Variants in GPR39 observed in about 807,000 individuals in gnomAD.
GPR39 encodes the protein G protein-coupled receptor 39.
Under a neutral mutation model 18.4 loss-of-function variants are expected in GPR39, and 23 were observed. That is an observed-to-expected ratio of 1.25 (90% CI 0.90 to 1.77). The LOEUF is 1.77. GPR39 is among the 40% of genes most tolerant of loss of function. The pLI, the probability that GPR39 is intolerant of heterozygous loss-of-function variation, is 0.00. For synonymous variants in GPR39, 280 were observed against 257.9 expected (o/e 1.09, Z -0.82); for missense variants, 647 against 602.4 (o/e 1.07, Z -0.78).
intron 1 of GPR39, among the ~76,000 whole-genome samples, chr2:132,574,863 A>G (rs1680503058): frequency 6.6e-6 from 1 of 152,226 alleles, no homozygotes; most frequent in African/African-American, 2.4e-5. Flanking sequence ...TTTGAATAGT[A>G]ATACATTTGC....
At position 132,497,439 on chromosome 2, in the gene GPR39, A is replaced by G. The variant is rs192670450; in HGVS notation, c.856+79541A>G. ...GAAAAGGTATGGGTAACTGGAAGAGAATTTTAAGAACTTACGTGACTACCA... is the reference window on the plus strand; with the variant it reads ...GAAAAGGTATGGGTAACTGGAAGAGGATTTTAAGAACTTACGTGACTACCA... On this transcript the variant is annotated intron_variant, in intron 1 of 1. Transcript: ENST00000329321. Among the ~76,000 whole-genome samples the G allele has an allele frequency of 3.3e-5, 5 of 152,252 alleles. No individual in the cohort carries two copies. The South Asian group carries it at 8.3e-4, about 25-fold the overall frequency.
rs200377609 is a variant in GPR39 at position 132,591,818 on chromosome 2, T to TA, written c.857-53275dup. ...GGGAAATTATGAAATAAAACTGATTTAAAAAAAACCATGTACAAGCTTTCG... is the reference window on the plus strand; with the variant it reads ...GGGAAATTATGAAATAAAACTGATTTAAAAAAAAACCATGTACAAGCTTTCG... On this transcript the variant is annotated intron_variant, in intron 1 of 1. Transcript: ENST00000329321. Among the ~76,000 whole-genome samples, 850 of 152,064 alleles carry TA rather than the reference T, an allele frequency of 5.6e-3. 9 individuals carry two copies. The highest frequency in any genetic ancestry group is 0.018 in the African/African-American group (756 of 41,478).
intron 1 of GPR39, among the ~76,000 whole-genome samples, chr2:132,539,758 C>T (rs1679830993): frequency 6.6e-6 from 1 of 152,114 alleles, no homozygotes; most frequent in South Asian, 2.1e-4. Context: ...AGAGCAGTCA[C>T]AAGGCTTTCC....
chr2:132,481,782 G>A (rs1227892150), intron 1 of GPR39, among the ~76,000 whole-genome samples: 1 of 152,156 alleles, frequency 6.6e-6, no homozygotes, highest in Non-Finnish European at 1.5e-5. Flanking sequence ...TGATCTTGGA[G>A]GCAGTTCCTT....
intron 1 of GPR39, among the ~76,000 whole-genome samples, chr2:132,527,705 T>C (rs1679539163): frequency 6.6e-6 from 1 of 152,264 alleles, no homozygotes; most frequent in African/African-American, 2.4e-5. Context: ...CGTTGAGCTT[T>C]TTTTGTATGT....
intron 1 of GPR39, among the ~76,000 whole-genome samples, chr2:132,571,103 A>G (rs1160987898): frequency 6.6e-6 from 1 of 152,192 alleles, no homozygotes; most frequent in Non-Finnish European, 1.5e-5. Flanking sequence ...TTAAATTCCC[A>G]CTTCCACCTT....
chr2:132,500,111 A>T (rs1359897154), intron 1 of GPR39, among the ~76,000 whole-genome samples: 1 of 152,176 alleles, frequency 6.6e-6, no homozygotes, highest in Non-Finnish European at 1.5e-5. Context: ...TAGGACTTCC[A>T]GTACTATGCT....
At chr2:132,417,958 G>C (rs755352400) in intron 1 of GPR39, 60 bp downstream of exon 1, 4 of 1,520,096 alleles carry the variant, frequency 2.6e-6, no homozygotes, top group Non-Finnish European at 3.5e-6. Flanking sequence ...CACGACCCGT[G>C]CCACTGCCTG....
chr2:132,559,690 CA>C (rs531502951), intron 1 of GPR39, among the ~76,000 whole-genome samples: 59 of 152,064 alleles, frequency 3.9e-4, no homozygotes, highest in African/African-American at 1.4e-3. Flanking sequence ...GTGTTCCAAG[CA>C]GAGTGAACAG....
chr2:132,492,673 TATAATATATATACAC>T, intron 1 of GPR39, among the ~76,000 whole-genome samples: 1 of 139,676 alleles, frequency 7.2e-6, no homozygotes, highest in Non-Finnish European at 1.5e-5. Context: ...ACCATATATA[TATAATATATATACAC>T]ACCATATATA....
intron 1 of GPR39, among the ~76,000 whole-genome samples, chr2:132,535,163 C>G (rs1679730335): frequency 6.6e-6 from 1 of 151,540 alleles, no homozygotes; most frequent in Non-Finnish European, 1.5e-5. Flanking sequence ...TGGTTTTCAA[C>G]CAGCTTTTGC....
intron 1 of GPR39, among the ~76,000 whole-genome samples, chr2:132,421,790 G>A (rs1680014173): frequency 6.6e-6 from 1 of 152,016 alleles, no homozygotes; most frequent in Admixed American, 6.6e-5. Flanking sequence ...TTAGACCACA[G>A]AATTAGGTCA....
chr2:132,623,863 G>T (rs2315536), intron 1 of GPR39, among the ~76,000 whole-genome samples: 3 of 151,966 alleles, frequency 2.0e-5, no homozygotes, highest in African/African-American at 7.3e-5. Flanking sequence ...ATTTTGGAAT[G>T]ATGGGAAAGC....
At chr2:132,595,586 G>T (rs891818190) in intron 1 of GPR39, among the ~76,000 whole-genome samples, 1 of 152,022 alleles carries the variant, frequency 6.6e-6, no homozygotes, top group Non-Finnish European at 1.5e-5. Context: ...CTGATCATGG[G>T]TTCAATTCCT....
At chr2:132,481,148 C>T (rs923976990) in intron 1 of GPR39, among the ~76,000 whole-genome samples, 1 of 152,170 alleles carries the variant, frequency 6.6e-6, no homozygotes, top group Non-Finnish European at 1.5e-5. Context: ...GCATCTTATT[C>T]GTCTAAGCTG....
intron 1 of GPR39, among the ~76,000 whole-genome samples, chr2:132,553,157 C>T (rs573282714): frequency 2.0e-5 from 3 of 151,406 alleles, no homozygotes; most frequent in Non-Finnish European, 4.4e-5. Flanking sequence ...AACTCCTGAC[C>T]TCAACTATGC....
At chr2:132,561,615 C>CACAG (rs1375894156) in intron 1 of GPR39, among the ~76,000 whole-genome samples, 1 of 141,480 alleles carries the variant, frequency 7.1e-6, no homozygotes, top group African/African-American at 2.7e-5. Flanking sequence ...CACACACACA[C>CACAG]AGATAAGGAA....
intron 1 of GPR39, among the ~76,000 whole-genome samples, chr2:132,560,658 C>T (rs1247355500): frequency 6.6e-6 from 1 of 152,198 alleles, no homozygotes; most frequent in Admixed American, 6.5e-5. Flanking sequence ...CCCTATAGCT[C>T]TCCAGATTCT....
chr2:132,498,302 T>G (rs1206827997), intron 1 of GPR39, among the ~76,000 whole-genome samples: 1 of 152,168 alleles, frequency 6.6e-6, no homozygotes, highest in Non-Finnish European at 1.5e-5. Context: ...CCTCATAGCT[T>G]AGCTTCCACT....
Sources: allele counts gnomAD v4.1 joint callset (sites outside exome capture counted in the v4.1 genomes callset), GRCh38; gene constraint gnomAD v4.1.1; transcripts MANE v1.5; gene names NCBI Gene and HGNC (gene_info 2026-07-23, HGNC 2026-07-21).